The following NHS variants were observed in gnomAD, a reference collection of about 807,000 sequenced individuals.
The protein encoded by NHS is NHS actin remodeling regulator.
Under a neutral mutation model 72.5 loss-of-function variants are expected in NHS, and 5 were observed. The ratio of observed to expected loss-of-function variants is 0.07; its 90% CI spans 0.04 to 0.14. The LOEUF is 0.14. Among genes scored for constraint, NHS ranks in the 10% least tolerant of loss-of-function variants. NHS has a pLI of 1.00. For missense variants in NHS, 1,072 were observed against 1,355.7 expected, an observed-to-expected ratio of 0.79 and a Z score of 3.29; for synonymous variants, 464 against 547.7, an observed-to-expected ratio of 0.85 and a Z score of 2.13.
chrX:17,475,530 T>C (rs2064913023), intron 1 of NHS, among the ~76,000 whole-genome samples: 1 of 111,735 alleles, frequency 8.9e-6, no homozygotes. Context: ...CGTTTTCTAG[T>C]TTGTCCTTTA....
intron 3 of NHS, among the ~76,000 whole-genome samples, chrX:17,697,110 T>A (rs185791470): frequency 1.8e-5 from 2 of 111,191 alleles, no homozygotes; most frequent in East Asian, 5.6e-4. Context: ...CAGGAGCAGT[T>A]TTCTCTATAT....
chrX:17,514,453 CTT>C (rs767414156), intron 1 of NHS, among the ~76,000 whole-genome samples: 6 of 112,341 alleles, frequency 5.3e-5, no homozygotes, highest in East Asian at 2.8e-4. Context: ...CTTTTGGACT[CTT>C]TGACTTACAC....
At chrX:17,429,505 C>G (rs1202901920) in intron 1 of NHS, among the ~76,000 whole-genome samples, 1 of 111,201 alleles carries the variant, frequency 9.0e-6, no homozygotes, top group African/African-American at 3.3e-5. Context: ...TTGTCTGAAA[C>G]ACACATGCAC....
chrX:17,698,017 A>C (rs972597917), intron 3 of NHS, among the ~76,000 whole-genome samples: 1 of 111,646 alleles, frequency 9.0e-6, no homozygotes, highest in Non-Finnish European at 1.9e-5. Flanking sequence ...AGGAAGAAAC[A>C]TAACAAATAT....
intron 1 of NHS, among the ~76,000 whole-genome samples, chrX:17,382,792 C>A (rs2064384162): frequency 8.9e-6 from 1 of 112,149 alleles, no homozygotes; most frequent in Non-Finnish European, 1.9e-5. Flanking sequence ...GGTGCCCTGT[C>A]TATATTCCAT....
chrX:17,638,666 A>T (rs973096945), intron 1 of NHS, among the ~76,000 whole-genome samples: 2 of 112,278 alleles, frequency 1.8e-5, no homozygotes, highest in African/African-American at 6.5e-5. Context: ...TAAAATGGAG[A>T]TAATAATATC....
At chrX:17,662,096 C>G (rs983689163) in intron 1 of NHS, among the ~76,000 whole-genome samples, 6 of 111,743 alleles carry the variant, frequency 5.4e-5, no homozygotes, top group African/African-American at 2.0e-4. Context: ...ATTTCTGTCT[C>G]AAAGCTTACT....
chrX:17,432,081 G>T (rs1176946760), intron 1 of NHS, among the ~76,000 whole-genome samples: 1 of 112,474 alleles, frequency 8.9e-6, no homozygotes, highest in Non-Finnish European at 1.9e-5. Flanking sequence ...AGTGGATAAG[G>T]ATGACAGCTA....
intron 1 of NHS, among the ~76,000 whole-genome samples, chrX:17,468,470 G>A (rs1361440067): frequency 9.2e-6 from 1 of 108,250 alleles, no homozygotes; most frequent in Non-Finnish European, 1.9e-5. Flanking sequence ...CACCAAAACC[G>A]ATGATCACCA....
intron 1 of NHS, among the ~76,000 whole-genome samples, chrX:17,521,447 G>A (rs1297038687): frequency 9.4e-6 from 1 of 106,853 alleles, no homozygotes; most frequent in African/African-American, 3.5e-5. Flanking sequence ...CTGCAGCCTC[G>A]ACCTCCCTGG....
intron 1 of NHS, among the ~76,000 whole-genome samples, chrX:17,587,320 G>A (rs1426708126): frequency 1.8e-5 from 2 of 111,982 alleles, no homozygotes; most frequent in African/African-American, 6.5e-5. Context: ...TTCCTCACCA[G>A]GTCTGCTGCT....
intron 1 of NHS, among the ~76,000 whole-genome samples, chrX:17,575,865 C>T (rs2065507905): frequency 2.7e-5 from 3 of 111,719 alleles, no homozygotes; most frequent in Admixed American, 1.9e-4. Flanking sequence ...TCTCTCACTG[C>T]CCCAAATCTT....
chrX:17,648,473 T>C (rs1455439201), intron 1 of NHS, among the ~76,000 whole-genome samples: 4 of 112,558 alleles, frequency 3.6e-5, no homozygotes, highest in Non-Finnish European at 7.5e-5. Flanking sequence ...CCTGCTCAGA[T>C]TCAAGGTGGA....
In NHS at chrX:17,375,879, C is replaced by T. The variant is rs1305600869; in HGVS notation, c.122C>T (p.Pro41Leu). The change falls in exon 1 of 9, where the codon CCG becomes CTG. Residue 41 changes from proline (P) to leucine (L), a missense_variant. Pro to Leu is a moderately conservative substitution (Grantham distance 98). Coordinates refer to ENST00000676302, the MANE Select transcript of NHS (RefSeq NM_001291867.2). ...GAGCCGCCGCCGCCCTTGCAGCCGC[C>T]GGGCCGGAGGGACCTGGACGAGGTC... The part of the protein sequence containing the change: ...SAEPPPPLQP[P>L]GRRDLDEVEA... 1 of 1,107,983 alleles carries T rather than the reference C, an allele frequency of 9.0e-7. No individual in the cohort carries two copies. The highest frequency in any genetic ancestry group is 1.2e-6 in the Non-Finnish European group (1 of 853,182). The allele number at this position is 1,107,983 out of a possible 1,213,427, so 91.3% of individuals were successfully genotyped here.
intron 1 of NHS, among the ~76,000 whole-genome samples, chrX:17,599,609 ATATAT>A (rs2065639960): frequency 9.1e-6 from 1 of 110,149 alleles, no homozygotes; most frequent in East Asian, 2.8e-4. Flanking sequence ...TTATATACTG[ATATAT>A]TATATATACT....
In NHS at chrX:17,732,335, A is replaced by C. The variant is rs891022131; in HGVS notation, c.4827A>C (p.Ala1609=). 8.2e-7 allele frequency: 1 copy of C among 1,212,366 alleles called. No homozygotes were observed. The highest frequency in any genetic ancestry group is 1.1e-6 in the Non-Finnish European group (1 of 895,625). The change falls in exon 9 of 9, where the codon GCA becomes GCC. Residue 1609 remains alanine (A), a synonymous_variant. Transcript: ENST00000676302. ...ARVGRSRAPP[A]ASSSRYSVRC... is the part of the protein sequence containing the mutation. ...TTGGACGTTCTCGGGCCCCTCCTGC[A>C]GCCAGCAGCAGCCGCTACAGTGTCC...
At chrX:17,713,224 C>T (rs1195434121) in intron 3 of NHS, among the ~76,000 whole-genome samples, 6 of 111,675 alleles carry the variant, frequency 5.4e-5, no homozygotes, top group Non-Finnish European at 7.5e-5. Context: ...ATATATGATA[C>T]ATCCACAAAC....
intron 3 of NHS, among the ~76,000 whole-genome samples, chrX:17,703,085 A>G (rs890399137): frequency 1.4e-4 from 16 of 110,393 alleles, no homozygotes; most frequent in Non-Finnish European, 1.5e-4. Flanking sequence ...CCTGGGCAAC[A>G]TTGTGAGACC....
At chrX:17,675,600 A>C (rs1314127732) in intron 1 of NHS, among the ~76,000 whole-genome samples, 3 of 111,624 alleles carry the variant, frequency 2.7e-5, no homozygotes, top group Non-Finnish European at 5.6e-5. Flanking sequence ...CAAATGTGCA[A>C]GATGAACGTA....
Sources: allele counts gnomAD v4.1 joint callset (sites outside exome capture counted in the v4.1 genomes callset), GRCh38; gene constraint gnomAD v4.1.1; transcripts MANE v1.5; gene names NCBI Gene and HGNC (gene_info 2026-07-23, HGNC 2026-07-21).